Variants in USP49 observed in about 807,000 individuals in gnomAD.
The protein encoded by USP49 is ubiquitin carboxyl-terminal hydrolase 49.
A neutral mutation model predicts 58.6 loss-of-function variants in USP49; 24 were observed. The observed-to-expected ratio is 0.41, with a 90% CI of 0.30 to 0.58. The LOEUF (loss-of-function observed/expected upper bound fraction) is 0.58. Ranked by LOEUF, USP49 falls within the 20% of genes least tolerant of loss-of-function variation. The pLI, the probability that USP49 is intolerant of heterozygous loss-of-function variation, is 0.30. For synonymous variants in USP49, 408 were observed against 365.1 expected, an observed-to-expected ratio of 1.12 and a Z score of -1.34; for missense variants, 703 against 866.1, an observed-to-expected ratio of 0.81 and a Z score of 2.36.
chr6:41,840,508 T>C (rs1418726332), intron 3 of USP49, among the ~76,000 whole-genome samples: 1 of 152,178 alleles, frequency 6.6e-6, no homozygotes, highest in African/African-American at 2.4e-5. Context: ...AAAAGGAGTT[T>C]TGAAGAACCA....
At position 41,880,535 on chromosome 6, in the gene USP49, A is replaced by C. The variant is rs1774585397; in HGVS notation, c.-102-8898T>G. The stretch of plus-strand genomic sequence containing the variant: ...TCCAGGGAGGAAAAAAATAACCAAG[A>C]ATCAGAACATCATCAGACTTCTCGT... On this transcript the variant is annotated intron_variant, in intron 2 of 7. Transcript: ENST00000682992. Among the ~76,000 whole-genome samples, 4 of 152,344 alleles carry C rather than the reference A, an allele frequency of 2.6e-5. 1 individual carries two copies. The South Asian group carries it at 8.3e-4, about 32-fold the overall frequency.
At chr6:41,847,712 CAA>C (rs796277859) in intron 3 of USP49, among the ~76,000 whole-genome samples, 2 of 136,662 alleles carry the variant, frequency 1.5e-5, no homozygotes. Flanking sequence ...GACTCTGTCT[CAA>C]AAAAAAAAAA....
rs1772811501 is a variant in USP49 at position 41,792,325 on chromosome 6, G to A, written c.*4208C>T. The A allele has an allele frequency of 6.6e-6, 1 of 152,198 alleles. No homozygotes were observed. Among genetic ancestry groups the A allele is most frequent in the Admixed American group, 6.6e-5 (1 of 15,262 alleles). The allele number at this position is 152,198 out of a possible 1,614,324, so 9.4% of individuals were successfully genotyped here. A position where few individuals can be genotyped will look rare whatever the true frequency, so the allele number is the denominator to read the frequency against. On this transcript the variant is annotated 3_prime_UTR_variant, in exon 8 of 8. Transcript: ENST00000682992. ...GGACATTTTTTGCAAAAGAACATCAGAACCAATGAAGGTACCATTTCAGGA... is the reference window on the plus strand; with the variant it reads ...GGACATTTTTTGCAAAAGAACATCAAAACCAATGAAGGTACCATTTCAGGA...
intron 3 of USP49, among the ~76,000 whole-genome samples, chr6:41,808,299 T>C (rs1273095887): frequency 1.3e-5 from 2 of 151,894 alleles, no homozygotes; most frequent in Non-Finnish European, 2.9e-5. Flanking sequence ...TTTAAAACAG[T>C]AGAACATCCT....
At chr6:41,805,075 A>C (rs1007337748) in intron 4 of USP49, among the ~76,000 whole-genome samples, 2 of 151,830 alleles carry the variant, frequency 1.3e-5, no homozygotes, top group African/African-American at 4.8e-5. Context: ...CTATAGAAAT[A>C]CTCTTTCTGC....
chr6:41,793,481 A>T lies in USP49; in HGVS notation c.*3052T>A, dbSNP rs1772834623. On this transcript the variant is annotated 3_prime_UTR_variant, in exon 8 of 8. Transcript: ENST00000682992. ...TCACCATGTTGGCCAGGATGATCTC[A>T]ATCTCTTGACCTTGTGATCCGCCCT... 1 of 152,464 alleles carries T rather than the reference A, an allele frequency of 6.6e-6. No individual in the cohort carries two copies. Among genetic ancestry groups the T allele is most frequent in the Non-Finnish European group, 1.5e-5 (1 of 68,356 alleles). 9.4% of individuals were successfully genotyped at this position (152,464 alleles called of 1,614,324 possible).
chr6:41,889,958 A>G (rs1456745406), intron 2 of USP49, among the ~76,000 whole-genome samples: 3 of 152,244 alleles, frequency 2.0e-5, no homozygotes, highest in African/African-American at 4.8e-5. Flanking sequence ...AAAAACTGCA[A>G]TAAAATCAAG....
chr6:41,808,390 G>A (rs1479840525), intron 3 of USP49, among the ~76,000 whole-genome samples: 1 of 151,096 alleles, frequency 6.6e-6, no homozygotes, highest in Admixed American at 6.6e-5. Flanking sequence ...TTTCTCCAAG[G>A]GAAAGAAGCT....
In USP49 at chr6:41,792,410, A is replaced by C. The variant is rs1269158133; in HGVS notation, c.*4123T>G. Reference sequence around the variant, plus strand: ...CCCAGCATTAGTCATTGTTTTGATAAAGACTAAAAGGCCTTTTCTCAACAT... The same window carrying C: ...CCCAGCATTAGTCATTGTTTTGATACAGACTAAAAGGCCTTTTCTCAACAT... On this transcript the variant is annotated 3_prime_UTR_variant, in exon 8 of 8. Transcript: ENST00000682992. The C allele has an allele frequency of 6.6e-6, 1 of 152,244 alleles. No homozygotes were observed. Among genetic ancestry groups the C allele is most frequent in the East Asian group, 1.9e-4 (1 of 5,208 alleles). The allele number at this position is 152,244 out of a possible 1,614,324, so 9.4% of individuals were successfully genotyped here.
chr6:41,878,227 T>C (rs1246864012), intron 2 of USP49, among the ~76,000 whole-genome samples: 1 of 152,200 alleles, frequency 6.6e-6, no homozygotes, highest in Non-Finnish European at 1.5e-5. Flanking sequence ...AACACTGATA[T>C]TCAAACATCC....
At position 41,806,438 on chromosome 6, in the gene USP49, C is replaced by T; in HGVS notation, c.546G>A (p.Lys182=). The T allele has an allele frequency of 6.3e-7, 1 of 1,585,660 alleles. No individual in the cohort carries two copies. The highest frequency in any genetic ancestry group is 8.5e-7 in the Non-Finnish European group (1 of 1,174,384). ...CGCGCCGCCGCCTCCGCGCCTCCTC[C>T]TTCTTGCGCTCCAGGGCCTCCTCCT... is the stretch of plus-strand genomic sequence containing the variant. ...RRQEEALERK[K]EEARRRRREV... The change falls in exon 4 of 8, where the codon AAG becomes AAA. Residue 182 remains lysine, a synonymous_variant. Transcript: ENST00000682992. The surrounding 1 kb of genome is among the most constrained non-coding windows in gnomAD (Gnocchi z 5.9).
intron 3 of USP49, among the ~76,000 whole-genome samples, chr6:41,867,111 G>C (rs771654261): frequency 6.6e-6 from 1 of 152,144 alleles, no homozygotes; most frequent in Non-Finnish European, 1.5e-5. Flanking sequence ...AACAAGAAGT[G>C]AATTGCTATT....
intron 3 of USP49, among the ~76,000 whole-genome samples, chr6:41,814,352 A>T (rs1438485950): frequency 6.6e-6 from 1 of 152,236 alleles, no homozygotes; most frequent in East Asian, 1.9e-4. Flanking sequence ...AATATCACTA[A>T]GTATTAAATG....
chr6:41,872,420 G>T (rs777786917), intron 2 of USP49, among the ~76,000 whole-genome samples: 7 of 152,156 alleles, frequency 4.6e-5, no homozygotes, highest in Non-Finnish European at 8.8e-5. Context: ...CCTGGCCGCC[G>T]CCCCGTCTGG....
Position 41,796,681 on chromosome 6 carries a change from C to G in USP49, c.1919G>C (p.Ser640Thr), listed in dbSNP as rs995599626. Residue 640 changes from serine to threonine, a missense_variant, in exon 8 of 8, where the codon AGT becomes ACT. Physicochemically the swap from Ser to Thr is moderately conservative, Grantham distance 58. Around this residue, in one of 6 missense-constraint regions of USP49, gnomAD observed 158 missense variants for 241.2 expected, o/e 0.66. Coordinates refer to ENST00000682992, the MANE Select transcript of USP49 (RefSeq NM_001286554.2). ...HCNDSKLNVC[S>T]VEEVCKTQAY... ...CTGGGTTTTGCACACTTCCTCGACA[C>G]TGCATACATTCAGCTTTGAGTCATT... 55 of 717,376 alleles carry G rather than the reference C, an allele frequency of 7.7e-5. No individual in the cohort carries two copies. Among genetic ancestry groups the G allele is most frequent in the Non-Finnish European group, 1.2e-4 (48 of 385,116 alleles). The allele number at this position is 717,376 out of a possible 1,614,324, so 44.4% of individuals were successfully genotyped here.
intron 3 of USP49, among the ~76,000 whole-genome samples, chr6:41,844,747 C>G (rs1331212997): frequency 8.2e-6 from 1 of 122,202 alleles, no homozygotes; most frequent in Non-Finnish European, 1.8e-5. Flanking sequence ...ATTTTTTGAC[C>G]TATTTCTTTA....
chr6:41,877,590 T>C (rs2127361638), intron 2 of USP49, among the ~76,000 whole-genome samples: 1 of 150,092 alleles, frequency 6.7e-6, no homozygotes, highest in East Asian at 2.0e-4. Flanking sequence ...TTTGAGACAG[T>C]CTCGCTCTGT....
chr6:41,831,201 C>A (rs1042307565), intron 3 of USP49, among the ~76,000 whole-genome samples: 4 of 152,114 alleles, frequency 2.6e-5, no homozygotes, highest in Non-Finnish European at 5.9e-5. Context: ...ACCAGCCTAA[C>A]CAACATGGTG....
chr6:41,815,498 G>C (rs913729998), intron 3 of USP49, among the ~76,000 whole-genome samples: 1 of 152,078 alleles, frequency 6.6e-6, no homozygotes, highest in Non-Finnish European at 1.5e-5. Flanking sequence ...TTTGCTAAGG[G>C]ACAGTGGGTG....
Sources: allele counts gnomAD v4.1 joint callset (sites outside exome capture counted in the v4.1 genomes callset), GRCh38; gene constraint gnomAD v4.1.1; regional missense constraint gnomAD v4.1.1; non-coding constraint Gnocchi (gnomAD v3.1); transcripts MANE v1.5; gene names NCBI Gene and HGNC (gene_info 2026-07-23, HGNC 2026-07-21).